Variants in SRGAP3 observed in about 807,000 individuals in gnomAD.
SRGAP3 encodes the protein SLIT-ROBO Rho GTPase-activating protein 3.
SRGAP3 carries 39 observed loss-of-function variants against 121.1 expected under a neutral mutation model. The observed-to-expected ratio is 0.32, with a 90% CI of 0.25 to 0.42. The LOEUF (loss-of-function observed/expected upper bound fraction) is 0.42, where lower values mean the gene tolerates loss of function less well. Among genes scored for constraint, SRGAP3 ranks in the 10% least tolerant of loss-of-function variants. SRGAP3 has a pLI of 1.00. For synonymous variants in SRGAP3, 601 were observed against 570.0 expected (o/e 1.05, Z -0.77); for missense variants, 1,213 against 1,470.6 (o/e 0.82, Z 2.86).
rs1952697053 is a variant in SRGAP3 at position 9,218,219 on chromosome 3, AG to A, written c.67+30665del. On this transcript the variant is annotated intron_variant, in intron 1 of 21. Transcript: ENST00000383836. The surrounding 1 kb of genome is among the most constrained non-coding windows in gnomAD (Gnocchi z 5.3). ...ATTGCAGGAAACAATGCTCTAGGAG[AG>A]ACCACAGCTGGGCCAGCCAGATTGG... 6.6e-6 allele frequency: 1 copy of A among 152,210 alleles called. No individual in the cohort carries two copies. Among genetic ancestry groups the A allele is most frequent in the African/African-American group, 2.4e-5 (1 of 41,440 alleles). 9.4% of individuals were successfully genotyped at this position (152,210 alleles called of 1,614,324 possible). A position where few individuals can be genotyped will look rare whatever the true frequency, so the allele number is the denominator to read the frequency against.
intron 1 of SRGAP3, 104 bp from the exon 2 acceptor site, chr3:9,125,021 C>G (rs1012238987): frequency 9.7e-6 from 13 of 1,340,328 alleles, no homozygotes; most frequent in South Asian, 2.4e-5. Flanking sequence ...CAGCTCCCTC[C>G]TAACACCATC....
intron 3 of SRGAP3, among the ~76,000 whole-genome samples, chr3:9,297,811 G>A (rs982463977): frequency 1.6e-4 from 24 of 151,962 alleles, no homozygotes; most frequent in African/African-American, 5.3e-4. Context: ...CACGAGAATC[G>A]CTAGAACCCA....
chr3:9,025,121 A>C, intron 14 of SRGAP3, 140 bp downstream of exon 14: 1 of 835,084 alleles, frequency 1.2e-6, no homozygotes. Context: ...ACTGCATGTG[A>C]AGTTGGGAAG....
chr3:8,998,592 C>T (rs2124969351), intron 18 of SRGAP3, among the ~76,000 whole-genome samples: 1 of 151,982 alleles, frequency 6.6e-6, no homozygotes, highest in East Asian at 1.9e-4. Flanking sequence ...TATACATACA[C>T]ATATGTGTAT....
chr3:8,991,562 T>C (rs1942057811), intron 20 of SRGAP3, among the ~76,000 whole-genome samples: 1 of 152,206 alleles, frequency 6.6e-6, no homozygotes, highest in Non-Finnish European at 1.5e-5. Context: ...CTGTGTCCTC[T>C]CTCAAGCCCA....
At chr3:9,093,334 T>C (rs2124864670) in intron 3 of SRGAP3, among the ~76,000 whole-genome samples, 1 of 152,334 alleles carries the variant, frequency 6.6e-6, no homozygotes, top group East Asian at 1.9e-4. Context: ...AAAATGTCTC[T>C]ACCTATGTAT....
chr3:8,988,124 G>A (rs1941830381), intron 21 of SRGAP3, among the ~76,000 whole-genome samples: 1 of 152,134 alleles, frequency 6.6e-6, no homozygotes, highest in Non-Finnish European at 1.5e-5. Context: ...GAGAGGTGGC[G>A]CTGTGAGTCT....
At chr3:9,298,480 T>A (rs560371238) in intron 3 of SRGAP3, among the ~76,000 whole-genome samples, 4 of 152,214 alleles carry the variant, frequency 2.6e-5, no homozygotes, top group African/African-American at 9.6e-5. Flanking sequence ...AATCTGGCTG[T>A]GATAGCTAGT....
chr3:9,046,314 G>C (rs1945275523), intron 10 of SRGAP3, among the ~76,000 whole-genome samples: 1 of 152,238 alleles, frequency 6.6e-6, no homozygotes, highest in Admixed American at 6.5e-5. Context: ...GAGCACGAGG[G>C]AATTTTTGAG....
Position 9,082,850 on chromosome 3 carries a change from C to T in SRGAP3, c.424-2763G>A, listed in dbSNP as rs546083827. On this transcript the variant is annotated intron_variant, in intron 3 of 21. Transcript: ENST00000383836. ...CTCCTCACCCCCCACAGCCCTTTCTCTCAGCTTCCGGGCCTGGCTTGCCAA... is the reference window on the plus strand; with the variant it reads ...CTCCTCACCCCCCACAGCCCTTTCTTTCAGCTTCCGGGCCTGGCTTGCCAA... Among the ~76,000 whole-genome samples the T allele has an allele frequency of 1.9e-4, 29 of 152,350 alleles. No individual in the cohort carries two copies. In the East Asian group the frequency reaches 5.0e-3, roughly 26 times the overall value.
intron 1 of SRGAP3, chr3:9,349,249 C>G (rs2029931190): frequency 1.8e-6 from 1 of 557,376 alleles, no homozygotes; most frequent in Non-Finnish European, 3.4e-6. Flanking sequence ...TCGCGTCCCC[C>G]TGCCCCTCCC....
intron 2 of SRGAP3, among the ~76,000 whole-genome samples, chr3:9,123,732 A>ATGTGTGTGTGTGTGTGTGTGTG (rs532602901): frequency 0.026 from 3,642 of 138,578 alleles, 117 homozygotes; most frequent in African/African-American, 0.072. Context: ...ATATGTATAT[A>ATGTGTGTGTGTGTGTGTGTGTG]TGTGTGTGTG....
At chr3:9,078,780 T>C (rs1459551892) in intron 4 of SRGAP3, among the ~76,000 whole-genome samples, 2 of 152,168 alleles carry the variant, frequency 1.3e-5, no homozygotes, top group Non-Finnish European at 2.9e-5. Context: ...CAATTCTTCC[T>C]TTACCCTAAG....
intron 1 of SRGAP3, among the ~76,000 whole-genome samples, chr3:9,156,223 C>T (rs1950411547): frequency 6.6e-6 from 1 of 152,164 alleles, no homozygotes; most frequent in Non-Finnish European, 1.5e-5. Context: ...GGGAGGGTGT[C>T]AGGAGGGTTT....
intron 1 of SRGAP3, among the ~76,000 whole-genome samples, chr3:9,352,745 A>G (rs1426894791): frequency 1.3e-5 from 2 of 152,158 alleles, no homozygotes; most frequent in Non-Finnish European, 2.9e-5. Context: ...TCTTGGCTCT[A>G]AGTCTCATCA....
rs558050982 is a variant in SRGAP3, at chr3:9,109,126, A to G, written c.261-4284T>C. ...GATTAAAGGAGAGATGAGATAATTGAGCTGTTACCTAAATTACTTCAGGGG... is the reference window on the plus strand; with the variant it reads ...GATTAAAGGAGAGATGAGATAATTGGGCTGTTACCTAAATTACTTCAGGGG... On this transcript the variant is annotated intron_variant, in intron 2 of 21. Coordinates refer to ENST00000383836, the MANE Select transcript of SRGAP3 (RefSeq NM_014850.4). The surrounding 1 kb of genome is among the most constrained non-coding windows in gnomAD (Gnocchi z 4.4). Among the ~76,000 whole-genome samples the G allele has an allele frequency of 6.6e-6, 1 of 152,266 alleles. No individual in the cohort carries two copies. The highest frequency in any genetic ancestry group is 2.1e-4 in the South Asian group (1 of 4,828).
At chr3:9,302,767 C>T (rs939586152) in intron 3 of SRGAP3, among the ~76,000 whole-genome samples, 1 of 152,038 alleles carries the variant, frequency 6.6e-6, no homozygotes, top group Non-Finnish European at 1.5e-5. Flanking sequence ...CGCCACCTGG[C>T]GAACCGCTCT....
At chr3:9,265,852 C>G (rs1954351164) in intron 3 of SRGAP3, among the ~76,000 whole-genome samples, 1 of 152,146 alleles carries the variant, frequency 6.6e-6, no homozygotes. Context: ...TACCATTTAA[C>G]CCAGCAATCT....
chr3:9,005,793 T>C (rs1045585697), intron 18 of SRGAP3, among the ~76,000 whole-genome samples: 2 of 151,556 alleles, frequency 1.3e-5, no homozygotes, highest in Admixed American at 6.6e-5. Flanking sequence ...GCGTAAGGAG[T>C]GATAGCTAAA....
Sources: allele counts gnomAD v4.1 joint callset (sites outside exome capture counted in the v4.1 genomes callset), GRCh38; gene constraint gnomAD v4.1.1; non-coding constraint Gnocchi (gnomAD v3.1); transcripts MANE v1.5; gene names NCBI Gene and HGNC (gene_info 2026-07-23, HGNC 2026-07-21).